The following CELF2 variants were observed in gnomAD, a reference collection of about 807,000 sequenced individuals.
The protein encoded by CELF2 is CUGBP Elav-like family member 2.
In CELF2, 8 loss-of-function variants were observed where a neutral mutation model predicts 62.6. The ratio of observed to expected loss-of-function variants is 0.13; its 90% CI spans 0.07 to 0.23. CELF2 has a LOEUF of 0.23. Among genes scored for constraint, CELF2 ranks in the 10% least tolerant of loss-of-function variants. The pLI is 1.00. For synonymous variants in CELF2, 258 were observed against 250.0 expected (o/e 1.03, Z -0.30); for missense variants, 333 against 671.0 (o/e 0.50, Z 5.56).
chr10:10,950,934 G>C (rs1403174816), intron 2 of CELF2, among the ~76,000 whole-genome samples: 1 of 152,196 alleles, frequency 6.6e-6, no homozygotes, highest in Admixed American at 6.5e-5. Flanking sequence ...GTTAAGAACA[G>C]TCAGATTTGA....
chr10:11,195,933 C>T (rs1411070131), intron 2 of CELF2, among the ~76,000 whole-genome samples: 2 of 151,320 alleles, frequency 1.3e-5, no homozygotes, highest in Non-Finnish European at 2.9e-5. Context: ...CAGATGCAGT[C>T]ACAAAATATT....
chr10:10,999,783 CA>C (rs1413154311), intron 2 of CELF2, among the ~76,000 whole-genome samples: 2 of 152,148 alleles, frequency 1.3e-5, no homozygotes, highest in African/African-American at 4.8e-5. Flanking sequence ...TAAGCTTGTG[CA>C]GTTTACTTCT....
chr10:11,240,581 C>A (rs1565492853), intron 3 of CELF2, among the ~76,000 whole-genome samples: 1 of 151,872 alleles, frequency 6.6e-6, no homozygotes, highest in Non-Finnish European at 1.5e-5. Flanking sequence ...TTAGCCGGGG[C>A]TACACTTCCC....
chr10:10,761,359 G>T, the CELF2 span, among the ~76,000 whole-genome samples: 1 of 152,190 alleles, frequency 6.6e-6, no homozygotes, highest in Admixed American at 6.5e-5. Context: ...GGTTAAATTT[G>T]AGGGACCTGT....
the CELF2 span, among the ~76,000 whole-genome samples, chr10:10,718,855 G>A: frequency 6.6e-6 from 1 of 151,972 alleles, no homozygotes; most frequent in East Asian, 1.9e-4. Context: ...ATTCCCCAGG[G>A]TTCTTGAGCC....
intron 1 of CELF2, among the ~76,000 whole-genome samples, chr10:11,146,086 C>A (rs926040172): frequency 1.3e-5 from 2 of 152,142 alleles, no homozygotes; most frequent in Non-Finnish European, 2.9e-5. Context: ...CACTCTGATC[C>A]CAGCCCAGGA....
intron 1 of CELF2, among the ~76,000 whole-genome samples, chr10:11,113,118 A>G (rs2055644526): frequency 6.6e-6 from 1 of 152,218 alleles, no homozygotes; most frequent in African/African-American, 2.4e-5. Flanking sequence ...GGGAAACACA[A>G]TTTTTAGTTA....
the CELF2 span, among the ~76,000 whole-genome samples, chr10:10,464,475 A>C: frequency 6.6e-6 from 1 of 152,104 alleles, no homozygotes; most frequent in Non-Finnish European, 1.5e-5. Flanking sequence ...TTATCATTCT[A>C]TTCTCAAATT....
Position 11,335,401 on chromosome 10 carries a change from T to C in CELF2, c.*6348T>C, listed in dbSNP as rs1304468902. 2 of 152,450 alleles carry C rather than the reference T, an allele frequency of 1.3e-5. No individual in the cohort carries two copies. The highest frequency in any genetic ancestry group is 2.9e-5 in the Non-Finnish European group (2 of 68,232). 9.4% of individuals were successfully genotyped at this position (152,450 alleles called of 1,614,324 possible). A position where few individuals can be genotyped will look rare whatever the true frequency, so the allele number is the denominator to read the frequency against. ...CTGGCAGCCTTCCTCTGCGTGCCAGTGAAATCTCTCCCAGTAGGTGCTCAG... is the reference window on the plus strand; with the variant it reads ...CTGGCAGCCTTCCTCTGCGTGCCAGCGAAATCTCTCCCAGTAGGTGCTCAG... On this transcript the variant is annotated 3_prime_UTR_variant, in exon 13 of 13. Transcript: ENST00000633077. The surrounding 1 kb of genome is among the most constrained non-coding windows in gnomAD (Gnocchi z 5.0).
chr10:10,571,737 C>T, the CELF2 span, among the ~76,000 whole-genome samples: 1 of 152,200 alleles, frequency 6.6e-6, no homozygotes, highest in Middle Eastern at 3.4e-3. Context: ...CAGATTCTTG[C>T]AGTAGATTTC....
At chr10:11,107,711 A>T (rs2053880452) in intron 1 of CELF2, among the ~76,000 whole-genome samples, 1 of 151,706 alleles carries the variant, frequency 6.6e-6, no homozygotes, top group African/African-American at 2.4e-5. Flanking sequence ...CAGTCAAGCC[A>T]GGTCTCCCCT....
the CELF2 span, among the ~76,000 whole-genome samples, chr10:10,762,010 G>A: frequency 1.6e-3 from 244 of 149,200 alleles, no homozygotes; most frequent in African/African-American, 5.5e-3. Context: ...GAGCCCTGAC[G>A]TAGACTAAAA....
At position 10,931,682 on chromosome 10, in the gene CELF2, C is replaced by A. The variant is rs541885418; in HGVS notation, c.89+11683C>A. Among the ~76,000 whole-genome samples the A allele has an allele frequency of 6.6e-6, 1 of 152,150 alleles. No individual in the cohort carries two copies. The highest frequency in any genetic ancestry group is 2.1e-4 in the South Asian group (1 of 4,828). On this transcript the variant is annotated intron_variant, in intron 2 of 13. Coordinates refer to the CELF2 transcript ENST00000636488. The surrounding 1 kb of genome is among the most constrained non-coding windows in gnomAD (Gnocchi z 6.1). ...GGTTTACAAGTTTTTAAAATACATACCTAATTAATAATGGAGATGCTTATG... is the reference window on the plus strand; with the variant it reads ...GGTTTACAAGTTTTTAAAATACATAACTAATTAATAATGGAGATGCTTATG...
At chr10:11,154,785 T>G (rs1437048975) in intron 1 of CELF2, among the ~76,000 whole-genome samples, 1 of 152,188 alleles carries the variant, frequency 6.6e-6, no homozygotes, top group African/African-American at 2.4e-5. Flanking sequence ...CATGATACAT[T>G]ACTGACTGAA....
chr10:11,300,552 C>A lies in CELF2; in HGVS notation c.976+12000C>A, dbSNP rs2140128843. On this transcript the variant is annotated intron_variant, in intron 9 of 12. Transcript: ENST00000633077. This position sits in a 1 kb window ranked among gnomAD's most constrained non-coding sequence, Gnocchi z 5.5. Reference sequence around the variant, plus strand: ...CTCCTCTTCCTCAGTCACCCCGCCCCTCCCTGCCCAAACTATCTTCGAGGG... The same window carrying A: ...CTCCTCTTCCTCAGTCACCCCGCCCATCCCTGCCCAAACTATCTTCGAGGG... Among the ~76,000 whole-genome samples the A allele has an allele frequency of 6.6e-6, 1 of 152,326 alleles. No individual in the cohort carries two copies. Among genetic ancestry groups the A allele is most frequent in the East Asian group, 1.9e-4 (1 of 5,186 alleles).
At chr10:11,060,543 A>G (rs535896059) in intron 1 of CELF2, among the ~76,000 whole-genome samples, 191 of 152,308 alleles carry the variant, frequency 1.3e-3, no homozygotes, top group Admixed American at 6.5e-3. Context: ...TTAGAAGTAC[A>G]GTGTCATCAG....
At chr10:10,580,549 C>A in the CELF2 span, among the ~76,000 whole-genome samples, 4 of 152,178 alleles carry the variant, frequency 2.6e-5, no homozygotes, top group Non-Finnish European at 5.9e-5. Context: ...AACTGTGTGA[C>A]CTTCGGCAAG....
the CELF2 span, among the ~76,000 whole-genome samples, chr10:10,508,607 A>G: frequency 4.6e-4 from 70 of 151,066 alleles, no homozygotes; most frequent in African/African-American, 1.6e-3. Context: ...GGTTGTGTGT[A>G]TGTCTTATTG....
At chr10:10,755,827 C>A in the CELF2 span, among the ~76,000 whole-genome samples, 4 of 152,134 alleles carry the variant, frequency 2.6e-5, no homozygotes, top group African/African-American at 9.7e-5. Context: ...CTGGTGTTTT[C>A]TTGGGAAGAA....
Sources: gnomAD v4.1 joint callset for allele counts (sites outside exome capture counted in the v4.1 genomes callset) on GRCh38, gnomAD v4.1.1 for gene constraint, Gnocchi (gnomAD v3.1) non-coding constraint, MANE v1.5 for transcripts, NCBI Gene and HGNC (gene_info 2026-07-23, HGNC 2026-07-21) for gene names.